Variants in CAPS2 observed in about 807,000 individuals in gnomAD.
The protein encoded by CAPS2 is calcyphosine 2.
CAPS2 carries 98 observed loss-of-function variants against 86.5 expected under a neutral mutation model. The observed-to-expected ratio is 1.13, with a 90% confidence interval of 0.96 to 1.34. The LOEUF is 1.34. CAPS2 is among the 40% of genes most tolerant of loss of function. The pLI, the probability that CAPS2 is intolerant of heterozygous loss-of-function variation, is 0.00. For synonymous variants in CAPS2, 210 were observed against 225.1 expected (o/e 0.93, Z 0.60); for missense variants, 729 against 686.8 (o/e 1.06, Z -0.69).
chr12:75,365,534 A>T (rs1308000569), intron 1 of CAPS2, among the ~76,000 whole-genome samples: 1 of 152,148 alleles, frequency 6.6e-6, no homozygotes, highest in Non-Finnish European at 1.5e-5. Context: ...TTTACCTTTC[A>T]ATAAGAATAC....
At chr12:75,293,173 T>A in intron 12 of CAPS2, 76 bp downstream of exon 12, 1 of 886,644 alleles carries the variant, frequency 1.1e-6, no homozygotes, top group South Asian at 1.4e-5. Context: ...TACCTTATAG[T>A]AGAATGTCAT....
chr12:75,290,937 A>AAAAACC (rs1555191395), intron 13 of CAPS2, among the ~76,000 whole-genome samples: 99 of 27,800 alleles, frequency 3.6e-3, no homozygotes, highest in Middle Eastern at 0.016. Context: ...AAAAAAAACA[A>AAAAACC]AAAAAAAACA....
intron 1 of CAPS2, among the ~76,000 whole-genome samples, chr12:75,341,613 A>AT (rs942096027): frequency 4.6e-5 from 7 of 151,166 alleles, no homozygotes; most frequent in Non-Finnish European, 7.4e-5. Flanking sequence ...CGCCCGCAGA[A>AT]TTTTTTGTAT....
At chr12:75,308,030 G>T (rs889005787) in intron 7 of CAPS2, among the ~76,000 whole-genome samples, 1 of 152,150 alleles carries the variant, frequency 6.6e-6, no homozygotes, top group Admixed American at 6.5e-5. Flanking sequence ...CTTTTCCTGT[G>T]TGGCAGATGA....
intron 1 of CAPS2, among the ~76,000 whole-genome samples, chr12:75,361,598 C>T (rs757636139): frequency 5.3e-5 from 8 of 152,148 alleles, no homozygotes; most frequent in African/African-American, 1.7e-4. Context: ...CATGGTTCCA[C>T]GTGACTGGGG....
chr12:75,334,801 A>C, upstream of CAPS2: 4 of 1,614,114 alleles, frequency 2.5e-6, no homozygotes, highest in South Asian at 3.3e-5. Flanking sequence ...ATCTTCCAAA[A>C]TCCCATCCAT....
intron 9 of CAPS2, 68 bp downstream of exon 9, chr12:75,299,769 T>C: frequency 1.0e-5 from 8 of 763,398 alleles, no homozygotes; most frequent in Non-Finnish European, 1.5e-5. Context: ...ATTACTGTCA[T>C]TTCTATTCAA....
intron 4 of CAPS2, among the ~76,000 whole-genome samples, chr12:75,322,458 A>G (rs894248826): frequency 3.3e-5 from 5 of 152,314 alleles, no homozygotes; most frequent in Admixed American, 2.6e-4. Context: ...TATTTATGCA[A>G]TTTTCCAAAA....
intron 6 of CAPS2, among the ~76,000 whole-genome samples, chr12:75,314,706 G>A (rs759009877): frequency 1.3e-5 from 2 of 151,910 alleles, no homozygotes; most frequent in African/African-American, 2.4e-5. Context: ...GATCCACATC[G>A]GCTGAACACA....
At chr12:75,277,171 G>T, downstream of CAPS2, 2 of 980,108 alleles carry the variant, frequency 2.0e-6, no homozygotes, top group Non-Finnish European at 2.4e-6. Context: ...CTAAGAGTAT[G>T]CTGTCATGTT....
intron 1 of CAPS2, among the ~76,000 whole-genome samples, chr12:75,383,088 G>T (rs570145262): frequency 6.6e-6 from 1 of 152,106 alleles, no homozygotes; most frequent in African/African-American, 2.4e-5. Flanking sequence ...GATTTAATAC[G>T]TATTTCATGA....
chr12:75,354,145 C>T (rs1041610544), intron 1 of CAPS2, among the ~76,000 whole-genome samples: 4 of 116,876 alleles, frequency 3.4e-5, no homozygotes, highest in African/African-American at 1.4e-4. Flanking sequence ...CTGGCCAGAG[C>T]AATCAGGGAA....
upstream of CAPS2, chr12:75,334,825 T>C: frequency 1.9e-6 from 3 of 1,614,138 alleles, no homozygotes; most frequent in Non-Finnish European, 2.5e-6. Flanking sequence ...TGACCCACAC[T>C]TTATAGACAA....
At chr12:75,301,461 T>C (rs1423092481) in intron 8 of CAPS2, among the ~76,000 whole-genome samples, 6 of 152,222 alleles carry the variant, frequency 3.9e-5, no homozygotes, top group Non-Finnish European at 7.3e-5. Flanking sequence ...CTGAAACAAT[T>C]CTAAATGCTG....
At chr12:75,356,293 C>G (rs1370010256) in intron 1 of CAPS2, among the ~76,000 whole-genome samples, 1 of 151,946 alleles carries the variant, frequency 6.6e-6, no homozygotes, top group Non-Finnish European at 1.5e-5. Context: ...TAAAAATAAA[C>G]ATTAAATATG....
At chr12:75,296,846 T>A (rs1365284543) in intron 11 of CAPS2, among the ~76,000 whole-genome samples, 3 of 152,006 alleles carry the variant, frequency 2.0e-5, no homozygotes, top group African/African-American at 7.3e-5. Flanking sequence ...GGTGGAAGAG[T>A]TAGAAAAATG....
intron 1 of CAPS2, among the ~76,000 whole-genome samples, chr12:75,366,623 T>A (rs1395615340): frequency 3.3e-5 from 5 of 151,278 alleles, no homozygotes; most frequent in Non-Finnish European, 7.4e-5. Flanking sequence ...TTGTCTTTCC[T>A]CTTCTTCAGA....
intron 1 of CAPS2, among the ~76,000 whole-genome samples, chr12:75,348,826 T>C (rs2042618548): frequency 6.6e-6 from 1 of 152,054 alleles, no homozygotes. Flanking sequence ...CATGAAGCAA[T>C]GGTTTTAAAG....
At chr12:75,331,767 T>G (rs1365495610), upstream of CAPS2, among the ~76,000 whole-genome samples, 2 of 151,820 alleles carry the variant, frequency 1.3e-5, no homozygotes, top group Non-Finnish European at 2.9e-5. Flanking sequence ...GTTTCACCGT[T>G]TTAGCCGGGA....
Sources: allele counts gnomAD v4.1 joint callset (sites outside exome capture counted in the v4.1 genomes callset), GRCh38; gene constraint gnomAD v4.1.1; transcripts MANE v1.5; gene names NCBI Gene and HGNC (gene_info 2026-07-23, HGNC 2026-07-21).